Variants in TAFA5 observed in about 807,000 individuals in gnomAD.
The protein encoded by TAFA5 is chemokine-like protein TAFA-5.
A neutral mutation model predicts 15.3 loss-of-function variants in TAFA5; 6 were observed. The ratio of observed to expected loss-of-function variants is 0.39; its 90% CI spans 0.21 to 0.77. The LOEUF is 0.77. TAFA5 is among the 30% of genes least tolerant of loss of function. The pLI is 0.41. For synonymous variants in TAFA5, 103 were observed against 80.7 expected (o/e 1.28, Z -1.48); for missense variants, 161 against 193.1 (o/e 0.83, Z 0.98).
At chr22:48,576,276 C>T (rs1249574469) in intron 1 of TAFA5, 8 of 846,892 alleles carry the variant, frequency 9.4e-6, no homozygotes, top group Admixed American at 5.0e-5. Context: ...CGCCCCCCTC[C>T]CCCCGCCCGC....
chr22:48,537,556 C>A (rs1351743172), intron 1 of TAFA5, among the ~76,000 whole-genome samples: 1 of 152,264 alleles, frequency 6.6e-6, no homozygotes, highest in Non-Finnish European at 1.5e-5. Flanking sequence ...CCACAGGTCC[C>A]ACAGTTGGAT....
At chr22:48,654,056 C>T (rs1267553364) in intron 2 of TAFA5, among the ~76,000 whole-genome samples, 1 of 151,804 alleles carries the variant, frequency 6.6e-6, no homozygotes. Context: ...TCTCCATGTC[C>T]CGTCACGTCG....
At chr22:48,576,425 G>A (rs930559471) in intron 1 of TAFA5, 1 of 1,301,682 alleles carries the variant, frequency 7.7e-7, no homozygotes. Context: ...CGCTGATGCG[G>A]CGCCTGGACC....
rs117624873 is a variant in TAFA5 at position 48,625,469 on chromosome 22, T to C, written c.113-21128T>C. 1.8e-3 allele frequency among the ~76,000 whole-genome samples: 273 copies of C among 152,356 alleles called. 12 individuals carry two copies. The East Asian group carries it at 0.044, about 25-fold the overall frequency. Reference sequence around the variant, plus strand: ...ACTGTTCAGTTCAAGTATCCGCGTATAGCACTATCGCAATCATGAGTCTGT... The same window carrying C: ...ACTGTTCAGTTCAAGTATCCGCGTACAGCACTATCGCAATCATGAGTCTGT... On this transcript the variant is annotated intron_variant, in intron 1 of 3. Coordinates refer to ENST00000402357, the MANE Select transcript of TAFA5 (RefSeq NM_001082967.3).
At chr22:48,698,792 C>T (rs2147244379) in intron 2 of TAFA5, among the ~76,000 whole-genome samples, 1 of 85,856 alleles carries the variant, frequency 1.2e-5, no homozygotes, top group African/African-American at 5.5e-5. Flanking sequence ...CTCTACAGGC[C>T]CCGTGCGTGG....
intron 2 of TAFA5, among the ~76,000 whole-genome samples, chr22:48,659,700 C>T (rs1369443068): frequency 1.3e-5 from 2 of 152,190 alleles, no homozygotes; most frequent in African/African-American, 4.8e-5. Context: ...CTGGGGGTGG[C>T]AGCAGGGGCC....
chr22:48,499,376 T>C (rs1338046331), intron 1 of TAFA5, among the ~76,000 whole-genome samples: 2 of 152,216 alleles, frequency 1.3e-5, no homozygotes, highest in East Asian at 3.9e-4. Context: ...TTTTTGGAGA[T>C]TTCTGTGGTG....
At chr22:48,503,607 C>T (rs11090847) in intron 1 of TAFA5, among the ~76,000 whole-genome samples, 15,803 of 152,244 alleles carry the variant, frequency 0.1, 1,152 homozygotes, top group East Asian at 0.35. Context: ...CAGCTACAAA[C>T]GGAATCTTCA....
At chr22:48,633,537 TCC>T (rs1491434543) in intron 1 of TAFA5, among the ~76,000 whole-genome samples, 4,855 of 125,272 alleles carry the variant, frequency 0.039, 171 homozygotes, top group East Asian at 0.11. Flanking sequence ...TGTCTGTCTC[TCC>T]CTCTCTCTCT....
intron 1 of TAFA5, among the ~76,000 whole-genome samples, chr22:48,638,443 C>CCCCCA (rs758538449): frequency 1.5e-5 from 1 of 67,770 alleles, no homozygotes; most frequent in Admixed American, 1.7e-4. Context: ...GGCAGCACCC[C>CCCCCA]TCCCCCGACA....
intron 2 of TAFA5, among the ~76,000 whole-genome samples, chr22:48,674,573 T>C (rs1263009332): frequency 6.6e-6 from 1 of 152,174 alleles, no homozygotes; most frequent in East Asian, 1.9e-4. Flanking sequence ...GGCGTCGACA[T>C]TGGGGCTGAT....
intron 1 of TAFA5, among the ~76,000 whole-genome samples, chr22:48,587,478 G>T (rs1354638795): frequency 3.3e-5 from 5 of 152,188 alleles, no homozygotes; most frequent in African/African-American, 1.2e-4. Context: ...GCTGCAGGCA[G>T]GCATTTAAGG....
intron 1 of TAFA5, among the ~76,000 whole-genome samples, chr22:48,610,870 A>G (rs1925380070): frequency 6.6e-6 from 1 of 151,896 alleles, no homozygotes; most frequent in Non-Finnish European, 1.5e-5. Flanking sequence ...CACGAGAGGC[A>G]TCGGGGATTT....
chr22:48,737,485 C>T lies in TAFA5; in HGVS notation c.391-12354C>T, dbSNP rs529255502. On this transcript the variant is annotated intron_variant, in intron 3 of 3. Transcript: ENST00000402357. ...CTGAATGAGGCTGTGGAGCTGCAGT[C>T]GCCGAGATGCTGTGGTCGCCCCTGA... Among the ~76,000 whole-genome samples, 6 of 152,292 alleles carry T rather than the reference C, an allele frequency of 3.9e-5. No homozygotes were observed. In the South Asian group the frequency reaches 1.2e-3, roughly 32 times the overall value.
At chr22:48,644,192 C>A (rs2147200512) in intron 1 of TAFA5, among the ~76,000 whole-genome samples, 1 of 152,300 alleles carries the variant, frequency 6.6e-6, no homozygotes, top group East Asian at 1.9e-4. Flanking sequence ...TAGTGGAAGT[C>A]CAAGTTCCCG....
chr22:48,691,283 G>T (rs1019901790), intron 2 of TAFA5, among the ~76,000 whole-genome samples: 7 of 152,222 alleles, frequency 4.6e-5, no homozygotes, highest in African/African-American at 1.7e-4. Context: ...GGCTGTAAGG[G>T]TCTGATGGAA....
chr22:48,727,412 T>C (rs768764368), intron 3 of TAFA5, among the ~76,000 whole-genome samples: 5 of 152,132 alleles, frequency 3.3e-5, no homozygotes, highest in Non-Finnish European at 7.3e-5. Flanking sequence ...GTTAGAGAAA[T>C]GATGTAGTCA....
At chr22:48,504,247 G>A (rs1278967710) in intron 1 of TAFA5, among the ~76,000 whole-genome samples, 3 of 152,188 alleles carry the variant, frequency 2.0e-5, no homozygotes, top group Non-Finnish European at 4.4e-5. Flanking sequence ...CGTCCTGGGG[G>A]TTTGTTCTCC....
intron 2 of TAFA5, among the ~76,000 whole-genome samples, chr22:48,704,902 A>G (rs1288739743): frequency 1.3e-5 from 2 of 151,894 alleles, no homozygotes; most frequent in Non-Finnish European, 2.9e-5. Flanking sequence ...CCTGGTGAGG[A>G]TCTGATTCCT....
Sources: gnomAD v4.1 joint callset for allele counts (sites outside exome capture counted in the v4.1 genomes callset) on GRCh38, gnomAD v4.1.1 for gene constraint, MANE v1.5 for transcripts, NCBI Gene and HGNC (gene_info 2026-07-23, HGNC 2026-07-21) for gene names.